The following CSMD1 variants were observed in gnomAD, a reference collection of about 807,000 sequenced individuals.
CSMD1 encodes the protein CUB and sushi domain-containing protein 1.
Under a neutral mutation model 417.5 loss-of-function variants are expected in CSMD1, and 213 were observed. The ratio of observed to expected loss-of-function variants is 0.51; its 90% CI spans 0.46 to 0.57. The LOEUF is 0.57. Among genes scored for constraint, CSMD1 ranks in the 20% least tolerant of loss-of-function variants. CSMD1 has a pLI of 0.00. For synonymous variants in CSMD1, 2,862 were observed against 1,736.8 expected (o/e 1.65, Z -16.11); for missense variants, 6,923 against 4,529.7 (o/e 1.53, Z -15.17).
At chr8:3,371,213 G>C (rs1367155766) in intron 18 of CSMD1, among the ~76,000 whole-genome samples, 1 of 152,120 alleles carries the variant, frequency 6.6e-6, no homozygotes, top group Admixed American at 6.5e-5. Flanking sequence ...AAACACATGA[G>C]CCAATTCCCA....
chr8:3,018,170 C>G (rs75310786), intron 52 of CSMD1, among the ~76,000 whole-genome samples: 1 of 152,022 alleles, frequency 6.6e-6, no homozygotes, highest in East Asian at 1.9e-4. Flanking sequence ...ATAAAATGTA[C>G]AATATTTTTG....
rs975889644 is a variant in CSMD1, at chr8:4,167,137, G to A, written c.416-135038C>T. On this transcript the variant is annotated intron_variant, in intron 3 of 69. Transcript: ENST00000635120. ...CATATAAACCCAAGATGTTACTTAG[G>A]TGACATTTTTTTTTCTACCTACTTC... Among the ~76,000 whole-genome samples the A allele has an allele frequency of 4.0e-4, 61 of 152,146 alleles. 1 individual carries two copies. The highest frequency in any genetic ancestry group is 6.5e-5 in the Admixed American group (1 of 15,276).
At chr8:4,563,246 A>C (rs962246303) in intron 2 of CSMD1, among the ~76,000 whole-genome samples, 5 of 152,166 alleles carry the variant, frequency 3.3e-5, no homozygotes, top group Admixed American at 3.3e-4. Context: ...CTAAAAATAC[A>C]AAAAATTAGC....
At chr8:4,307,998 A>C (rs1168874813) in intron 3 of CSMD1, among the ~76,000 whole-genome samples, 1 of 152,170 alleles carries the variant, frequency 6.6e-6, no homozygotes, top group African/African-American at 2.4e-5. Context: ...GGAGGCTGGG[A>C]TGTAAACAGT....
chr8:4,834,456 T>C (rs1470612989), intron 1 of CSMD1, among the ~76,000 whole-genome samples: 1 of 152,248 alleles, frequency 6.6e-6, no homozygotes, highest in East Asian at 1.9e-4. Context: ...CACATGCCCA[T>C]GTATTCACGC....
chr8:4,119,213 AAGCCTGCACATTCTGCACATGTGTCCT>A (rs1253970947), intron 3 of CSMD1, among the ~76,000 whole-genome samples: 10 of 152,264 alleles, frequency 6.6e-5, no homozygotes, highest in African/African-American at 2.4e-4. Context: ...CCTATGTAAC[AAGCCTGCACATTCTGCACATGTGTCCT>A]AGAACTTAAA....
chr8:3,471,678 CTT>C, intron 11 of CSMD1, among the ~76,000 whole-genome samples: 1 of 149,410 alleles, frequency 6.7e-6, no homozygotes, highest in Admixed American at 6.7e-5. Flanking sequence ...CCCTCCCTCC[CTT>C]CCTTCCTTCC....
At chr8:4,722,952 G>A (rs1181484746) in intron 1 of CSMD1, among the ~76,000 whole-genome samples, 1 of 152,026 alleles carries the variant, frequency 6.6e-6, no homozygotes, top group Non-Finnish European at 1.5e-5. Flanking sequence ...AGCTCGGTGG[G>A]GTTTCAGCTT....
intron 1 of CSMD1, among the ~76,000 whole-genome samples, chr8:4,712,844 G>T (rs1007996775): frequency 1.3e-5 from 2 of 152,184 alleles, no homozygotes; most frequent in African/African-American, 4.8e-5. Context: ...TTTCAGAGAG[G>T]TCTAATCTGG....
chr8:3,740,439 T>C (rs558367837), intron 6 of CSMD1, among the ~76,000 whole-genome samples: 10 of 152,110 alleles, frequency 6.6e-5, no homozygotes, highest in Admixed American at 2.0e-4. Flanking sequence ...TACAGAAAAA[T>C]AGGTAGACTT....
chr8:4,247,351 G>A (rs1023252097), intron 3 of CSMD1, among the ~76,000 whole-genome samples: 3 of 152,252 alleles, frequency 2.0e-5, no homozygotes, highest in Middle Eastern at 3.4e-3. Flanking sequence ...GCTGCTGGGT[G>A]TGGACATCTC....
chr8:3,458,969 T>C (rs115552813), intron 12 of CSMD1, among the ~76,000 whole-genome samples: 1 of 152,024 alleles, frequency 6.6e-6, no homozygotes, highest in Non-Finnish European at 1.5e-5. Context: ...AGGAGAGAGG[T>C]GCAGCTCTCA....
rs180823000 is a variant in CSMD1, at chr8:4,558,181, C to T, written c.302+79161G>A. On this transcript the variant is annotated intron_variant, in intron 2 of 69. Coordinates refer to ENST00000635120, the MANE Select transcript of CSMD1 (RefSeq NM_033225.6). Reference sequence around the variant, plus strand: ...GGGAAAAGAGTAACTACAAAAGCATCTAAACAAGAGCAGGATGTGATGTAA... The same window carrying T: ...GGGAAAAGAGTAACTACAAAAGCATTTAAACAAGAGCAGGATGTGATGTAA... 6.1e-4 allele frequency among the ~76,000 whole-genome samples: 93 copies of T among 152,206 alleles called. No individual in the cohort carries two copies. In the South Asian group the frequency reaches 8.3e-3, roughly 14 times the overall value.
At chr8:3,785,861 T>G (rs986196033) in intron 5 of CSMD1, among the ~76,000 whole-genome samples, 4 of 152,136 alleles carry the variant, frequency 2.6e-5, no homozygotes, top group Non-Finnish European at 5.9e-5. Context: ...GTAGAGCAAT[T>G]AAAGAGGGAT....
intron 1 of CSMD1, among the ~76,000 whole-genome samples, chr8:4,751,546 A>C (rs2117051096): frequency 6.6e-6 from 1 of 152,350 alleles, no homozygotes; most frequent in Admixed American, 6.5e-5. Flanking sequence ...TTTAATTCCA[A>C]GATTTTATGA....
intron 3 of CSMD1, among the ~76,000 whole-genome samples, chr8:4,043,280 A>C (rs368549654): frequency 1.3e-5 from 2 of 152,226 alleles, no homozygotes; most frequent in Non-Finnish European, 2.9e-5. Context: ...CGAATCACAG[A>C]AAGTACCCAA....
intron 26 of CSMD1, among the ~76,000 whole-genome samples, chr8:3,268,048 C>T (rs1283136838): frequency 6.6e-6 from 1 of 152,038 alleles, no homozygotes; most frequent in African/African-American, 2.4e-5. Flanking sequence ...AGGGACGGGC[C>T]AATCTTTGCC....
chr8:4,878,741 G>A (rs1487112544), intron 1 of CSMD1, among the ~76,000 whole-genome samples: 1 of 151,884 alleles, frequency 6.6e-6, no homozygotes, highest in African/African-American at 2.4e-5. Context: ...CTTTTGTGTA[G>A]AAAACATTCA....
chr8:4,017,066 G>T (rs974836853), intron 4 of CSMD1, among the ~76,000 whole-genome samples: 1 of 152,170 alleles, frequency 6.6e-6, no homozygotes, highest in Non-Finnish European at 1.5e-5. Flanking sequence ...TCATCCGGAG[G>T]CAAGACTTCA....
Sources: allele counts gnomAD v4.1 joint callset (sites outside exome capture counted in the v4.1 genomes callset), GRCh38; gene constraint gnomAD v4.1.1; transcripts MANE v1.5; gene names NCBI Gene and HGNC (gene_info 2026-07-23, HGNC 2026-07-21).